EYS: variants seen among roughly 807,000 people sequenced by gnomAD.
EYS encodes the protein EGF-like photoreceptor maintenance factor.
EYS carries 250 observed loss-of-function variants against 282.1 expected under a neutral mutation model. The observed-to-expected ratio is 0.89, with a 90% confidence interval of 0.80 to 0.98. EYS has a LOEUF of 0.98. EYS is among the 50% of genes least tolerant of loss of function. The probability of loss-of-function intolerance (pLI) is 0.00; values close to 1 mark genes in which losing one functional copy is unlikely to be tolerated. For synonymous variants in EYS, 1,355 were observed against 1,282.9 expected (o/e 1.06, Z -1.20); for missense variants, 4,016 against 3,709.0 (o/e 1.08, Z -2.15).
At chr6:65,096,401 G>T (rs773204196) in intron 12 of EYS, among the ~76,000 whole-genome samples, 1 of 150,780 alleles carries the variant, frequency 6.6e-6, no homozygotes, top group Non-Finnish European at 1.5e-5. Context: ...AATTAATATT[G>T]TAAAAATGTC....
In EYS at chr6:64,394,444, T is replaced by C. The variant is rs182296448; in HGVS notation, c.5928-5604A>G. Among the ~76,000 whole-genome samples the C allele has an allele frequency of 4.6e-3, 694 of 152,226 alleles. 1 individual carries two copies. Among genetic ancestry groups the C allele is most frequent in the Non-Finnish European group, 6.9e-3 (472 of 68,030 alleles). Reference sequence around the variant, plus strand: ...GGTACCAAACAGAGATATAGATCAATGGAACAGAATAGAGCCCTCCGAAAT... The same window carrying C: ...GGTACCAAACAGAGATATAGATCAACGGAACAGAATAGAGCCCTCCGAAAT... On this transcript the variant is annotated intron_variant, in intron 28 of 42. Coordinates refer to ENST00000503581, the MANE Select transcript of EYS (RefSeq NM_001142800.2).
Position 64,290,679 on chromosome 6 carries a change from C to G in EYS, c.6191+16291G>C, listed in dbSNP as rs78504253. On this transcript the variant is annotated intron_variant, in intron 30 of 42. Coordinates refer to ENST00000503581, the MANE Select transcript of EYS (RefSeq NM_001142800.2). ...GGCTTAGAGTCCTCTTCTTCCAGAA[C>G]GAAGGTGAGGGGAGAAAGAATAGAT... 4.0e-5 allele frequency among the ~76,000 whole-genome samples: 6 copies of G among 151,528 alleles called. No homozygotes were observed. The South Asian group carries it at 1.3e-3, about 32-fold the overall frequency.
chr6:64,925,335 T>C (rs996548474), intron 15 of EYS, among the ~76,000 whole-genome samples: 3 of 152,304 alleles, frequency 2.0e-5, no homozygotes, highest in African/African-American at 4.8e-5. Flanking sequence ...TTCTGGGTGA[T>C]ACAATTCAAG....
intron 5 of EYS, among the ~76,000 whole-genome samples, chr6:65,457,768 C>G (rs1764681072): frequency 6.6e-6 from 1 of 152,072 alleles, no homozygotes; most frequent in Non-Finnish European, 1.5e-5. Context: ...ACCTACAAAT[C>G]AAGCTTAAAC....
chr6:64,730,910 T>C (rs1484993330), intron 22 of EYS: 2 of 152,164 alleles, frequency 1.3e-5, no homozygotes, highest in African/African-American at 4.8e-5. Flanking sequence ...AATTCGAGGA[T>C]TCATTTGGGG....
intron 1 of EYS, among the ~76,000 whole-genome samples, chr6:65,685,824 G>A (rs1156996035): frequency 6.6e-6 from 1 of 151,904 alleles, no homozygotes; most frequent in African/African-American, 2.4e-5. Context: ...CAACAATGTT[G>A]CAATATATTC....
chr6:65,141,899 T>C (rs1464607064), intron 12 of EYS, among the ~76,000 whole-genome samples: 2 of 151,892 alleles, frequency 1.3e-5, no homozygotes, highest in South Asian at 2.1e-4. Context: ...GAATTTGTTA[T>C]AAGCAGATCT....
chr6:65,504,044 A>G (rs1329061698), intron 2 of EYS, among the ~76,000 whole-genome samples: 1 of 151,728 alleles, frequency 6.6e-6, no homozygotes, highest in Non-Finnish European at 1.5e-5. Flanking sequence ...CAAACAGGTA[A>G]GAAGAGCCTT....
chr6:64,567,255 T>C (rs1465695806), intron 26 of EYS, among the ~76,000 whole-genome samples: 1 of 152,186 alleles, frequency 6.6e-6, no homozygotes, highest in Non-Finnish European at 1.5e-5. Flanking sequence ...CAAAATTTAG[T>C]ATAATACATT....
chr6:64,025,995 C>A (rs1157596545), intron 33 of EYS, among the ~76,000 whole-genome samples: 1 of 152,182 alleles, frequency 6.6e-6, no homozygotes, highest in Non-Finnish European at 1.5e-5. Flanking sequence ...GGCAAGGGTG[C>A]AGGTTTTTTA....
intron 24 of EYS, among the ~76,000 whole-genome samples, chr6:64,594,963 A>G (rs1766534715): frequency 6.6e-6 from 1 of 152,076 alleles, no homozygotes; most frequent in African/African-American, 2.4e-5. Flanking sequence ...GGCCAGCATT[A>G]CCCTGACACC....
At chr6:64,651,354 A>G (rs995108098) in intron 22 of EYS, among the ~76,000 whole-genome samples, 3 of 152,220 alleles carry the variant, frequency 2.0e-5, no homozygotes, top group Non-Finnish European at 4.4e-5. Context: ...GTGCAGTTCA[A>G]AAATTATGTT....
intron 11 of EYS, chr6:65,332,373 A>T: frequency 1.0e-6 from 1 of 981,780 alleles, no homozygotes. Context: ...AAACCTTTCT[A>T]TATGTTGCTG....
chr6:65,470,800 A>T (rs1263032639), intron 5 of EYS, among the ~76,000 whole-genome samples: 1 of 152,144 alleles, frequency 6.6e-6, no homozygotes, highest in African/African-American at 2.4e-5. Context: ...CAAGAAGAGA[A>T]ATTGTTACCT....
At chr6:64,458,409 C>T (rs557599350) in intron 26 of EYS, among the ~76,000 whole-genome samples, 58 of 152,118 alleles carry the variant, frequency 3.8e-4, no homozygotes, top group Middle Eastern at 3.4e-3. Flanking sequence ...TCTTATTTCT[C>T]CTTTATTTCT....
At chr6:64,639,138 CTCCAT>C (rs1768052885) in intron 22 of EYS, among the ~76,000 whole-genome samples, 1 of 88,814 alleles carries the variant, frequency 1.1e-5, no homozygotes, top group Admixed American at 1.2e-4. Flanking sequence ...ATGGTCTTCC[CTCCAT>C]GCATGTTTGT....
intron 31 of EYS, among the ~76,000 whole-genome samples, chr6:64,155,364 A>C (rs1369615044): frequency 6.6e-6 from 1 of 151,390 alleles, no homozygotes; most frequent in East Asian, 1.9e-4. Flanking sequence ...TTTTTTGGTA[A>C]AATATGCCTG....
chr6:64,985,674 T>A (rs1450237544), intron 14 of EYS, among the ~76,000 whole-genome samples: 1 of 151,598 alleles, frequency 6.6e-6, no homozygotes, highest in African/African-American at 2.4e-5. Context: ...GACAAACTAT[T>A]GGACACAATA....
chr6:65,269,115 T>G (rs10498829), intron 12 of EYS, among the ~76,000 whole-genome samples: 6,458 of 152,212 alleles, frequency 0.042, 186 homozygotes, highest in Middle Eastern at 0.065. Flanking sequence ...CAGTATCAGC[T>G]CTTAAAATGA....
Sources: allele counts gnomAD v4.1 joint callset (sites outside exome capture counted in the v4.1 genomes callset), GRCh38; gene constraint gnomAD v4.1.1; transcripts MANE v1.5; gene names NCBI Gene and HGNC (gene_info 2026-07-23, HGNC 2026-07-21).